Variants in PI4K2A observed in about 807,000 individuals in gnomAD.
The protein encoded by PI4K2A is phosphatidylinositol 4-kinase type 2 alpha, also known as phosphatidylinositol 4-kinase type 2-alpha.
In PI4K2A, 20 loss-of-function variants were observed where a neutral mutation model predicts 55.0. The observed-to-expected ratio is 0.36, with a 90% CI of 0.26 to 0.53. The LOEUF (loss-of-function observed/expected upper bound fraction) is 0.53, where lower values mean the gene tolerates loss of function less well. PI4K2A is among the 20% of genes least tolerant of loss of function. The pLI, the probability that PI4K2A is intolerant of heterozygous loss-of-function variation, is 0.91. For synonymous variants in PI4K2A, 235 were observed against 258.5 expected, an observed-to-expected ratio of 0.91 and a Z score of 0.87; for missense variants, 463 against 637.1, an observed-to-expected ratio of 0.73 and a Z score of 2.94.
At chr10:97,661,095 C>T (rs1034281543) in intron 4 of PI4K2A, among the ~76,000 whole-genome samples, 2 of 152,008 alleles carry the variant, frequency 1.3e-5, no homozygotes, top group African/African-American at 4.8e-5. Context: ...GGGTTCACAC[C>T]ATTCTCCTGC....
chr10:97,647,600 C>T (rs1237451262), intron 1 of PI4K2A, among the ~76,000 whole-genome samples: 3 of 152,202 alleles, frequency 2.0e-5, no homozygotes, highest in Non-Finnish European at 4.4e-5. Context: ...TCTCCACAGG[C>T]TAGGTCCTGA....
chr10:97,664,253 G>A (rs999857531), intron 5 of PI4K2A, among the ~76,000 whole-genome samples: 3 of 152,196 alleles, frequency 2.0e-5, no homozygotes, highest in Non-Finnish European at 4.4e-5. Flanking sequence ...TCTTGTTCCT[G>A]TGATGGCACC....
chr10:97,644,134 G>GGAGGTCAGGAGTTC (rs1352469779), intron 1 of PI4K2A, among the ~76,000 whole-genome samples: 1 of 152,088 alleles, frequency 6.6e-6, no homozygotes, highest in East Asian at 1.9e-4. Context: ...GCGCATCACT[G>GGAGGTCAGGAGTTC]GAGGTCAGGA....
intron 8 of PI4K2A, among the ~76,000 whole-genome samples, chr10:97,670,438 C>T (rs182623694): frequency 3.7e-4 from 56 of 152,250 alleles, no homozygotes; most frequent in African/African-American, 1.2e-3. Flanking sequence ...CATATGTCTA[C>T]GTATTATCCA....
chr10:97,663,826 TAA>T (rs35736231), intron 5 of PI4K2A, among the ~76,000 whole-genome samples: 166 of 118,260 alleles, frequency 1.4e-3, no homozygotes, highest in African/African-American at 2.3e-3. Flanking sequence ...TCTCAAAAAT[TAA>T]AAAAAAAAAA....
intron 8 of PI4K2A, among the ~76,000 whole-genome samples, chr10:97,671,693 G>A (rs1359145864): frequency 6.6e-6 from 1 of 152,074 alleles, no homozygotes; most frequent in Non-Finnish European, 1.5e-5. Context: ...AGACTGGAGT[G>A]CAATGGCACA....
exon 9 of PI4K2A, chr10:97,675,730 A>C (rs1046221): frequency 0.47 from 72,316 of 152,650 alleles, 18,263 homozygotes; most frequent in African/African-American, 0.66. Flanking sequence ...AGTGTAGGAG[A>C]GAGCTGGTCC....
At chr10:97,641,077 C>G in exon 1 of PI4K2A, 1 of 1,608,364 alleles carries the variant, frequency 6.2e-7, no homozygotes, top group Non-Finnish European at 8.5e-7. Context: ...GAGTTCGAGG[C>G]GGTGGTGCGG....
Position 97,642,806 on chromosome 10 carries a change from T to TCTTCCTTC in PI4K2A, c.435+1669_435+1676dup, listed in dbSNP as rs1183100302. On this transcript the variant is annotated intron_variant, in intron 1 of 8. Transcript: ENST00000370631. ...GCCAGAGGCTTGCTTGCTTTCTCTT[T>TCTTCCTTC]CTTCCTTCCTTCCTTCCTTCCTTCC... Among the ~76,000 whole-genome samples the TCTTCCTTC allele has an allele frequency of 8.0e-4, 84 of 105,376 alleles. 6 individuals carry two copies. In the East Asian group the frequency reaches 9.1e-3, roughly 11 times the overall value. 69.1% of individuals were successfully genotyped at this position (105,376 alleles called of 152,430 possible). A position where few individuals can be genotyped will look rare whatever the true frequency, so the allele number is the denominator to read the frequency against.
chr10:97,641,183 T>C lies in PI4K2A; in HGVS notation c.435+6T>C. 6.3e-7 allele frequency: 1 copy of C among 1,590,354 alleles called. No individual in the cohort carries two copies. The highest frequency in any genetic ancestry group is 8.5e-7 in the Non-Finnish European group (1 of 1,172,942). Reference sequence around the variant, plus strand: ...TCGTCAAGGACCCTCAGGGGGTGAGTGCGGGGGTGGGGACCGCCGCCGCGG... The same window carrying C: ...TCGTCAAGGACCCTCAGGGGGTGAGCGCGGGGGTGGGGACCGCCGCCGCGG... On this transcript the variant is annotated splice_donor_region_variant and intron_variant, in intron 1 of 8. Coordinates refer to ENST00000370631, the Ensembl canonical transcript of PI4K2A.
chr10:97,656,323 C>T lies in PI4K2A; in HGVS notation c.675C>T (p.Ala225=). 1.2e-6 allele frequency: 2 copies of T among 1,613,614 alleles called. No individual in the cohort carries two copies. The highest frequency in any genetic ancestry group is 1.7e-6 in the Non-Finnish European group (2 of 1,179,524). The change falls in exon 3 of 9, where the codon GCC becomes GCT. Residue 225 remains alanine (A), a synonymous_variant. Transcript: ENST00000370631. This position sits in a 1 kb window ranked among gnomAD's most constrained non-coding sequence, Gnocchi z 4.5. ...CCAGTGAGACCTTCAACTATAGTGC[C>T]ATTGACCGAGTGAAGTCCAGGGGCA...
intron 5 of PI4K2A, among the ~76,000 whole-genome samples, chr10:97,663,444 A>G (rs2041595943): frequency 6.6e-6 from 1 of 151,794 alleles, no homozygotes; most frequent in South Asian, 2.1e-4. Context: ...TTCAGTCTAC[A>G]TGTTTTACAA....
intron 8 of PI4K2A, among the ~76,000 whole-genome samples, chr10:97,668,954 C>T (rs976115191): frequency 6.6e-6 from 1 of 152,116 alleles, no homozygotes; most frequent in African/African-American, 2.4e-5. Flanking sequence ...CAACCTTCAC[C>T]TCCCAGGTTC....
chr10:97,642,803 C>T (rs2041477592), intron 1 of PI4K2A, among the ~76,000 whole-genome samples: 1 of 129,856 alleles, frequency 7.7e-6, no homozygotes, highest in South Asian at 2.5e-4. Flanking sequence ...CTTGCTTTCT[C>T]TTTCTTCCTT....
intron 2 of PI4K2A, among the ~76,000 whole-genome samples, chr10:97,655,151 C>G (rs961639840): frequency 6.6e-6 from 1 of 152,132 alleles, no homozygotes; most frequent in East Asian, 1.9e-4. Context: ...AGGAGGATCA[C>G]CTGAGGTCAG....
intron 6 of PI4K2A, 145 bp downstream of exon 6, chr10:97,665,129 G>T: frequency 1.8e-6 from 1 of 558,092 alleles, no homozygotes; most frequent in Non-Finnish European, 3.2e-6. Context: ...CACAATGGCT[G>T]GCATATGGCA....
chr10:97,647,531 G>A (rs1260247780), intron 1 of PI4K2A, among the ~76,000 whole-genome samples: 9 of 152,152 alleles, frequency 5.9e-5, no homozygotes, highest in Non-Finnish European at 1.5e-5. Context: ...AGGCCAGAGG[G>A]TATTTTACCT....
At chr10:97,668,508 G>T (rs1044974825) in intron 8 of PI4K2A, among the ~76,000 whole-genome samples, 5 of 152,132 alleles carry the variant, frequency 3.3e-5, no homozygotes, top group African/African-American at 1.2e-4. Flanking sequence ...GGCCTGGGAG[G>T]TCTAGGATGC....
In PI4K2A at chr10:97,642,650, A is replaced by G. The variant is rs547062414; in HGVS notation, c.435+1473A>G. 5.9e-5 allele frequency among the ~76,000 whole-genome samples: 9 copies of G among 151,868 alleles called. No individual in the cohort carries two copies. The East Asian group carries it at 1.4e-3, about 23-fold the overall frequency. ...GTGATCTGCCCACCTCGGCCTCCCAAAGCGCTGGGATTACAGGCGTGCCAC... is the reference window on the plus strand; with the variant it reads ...GTGATCTGCCCACCTCGGCCTCCCAGAGCGCTGGGATTACAGGCGTGCCAC... On this transcript the variant is annotated intron_variant, in intron 1 of 8. Transcript: ENST00000370631.
Sources: gnomAD v4.1 joint callset for allele counts (sites outside exome capture counted in the v4.1 genomes callset) on GRCh38, gnomAD v4.1.1 for gene constraint, Gnocchi (gnomAD v3.1) non-coding constraint, MANE v1.5 for transcripts, NCBI Gene and HGNC (gene_info 2026-07-23, HGNC 2026-07-21) for gene names.